Variants in ZNF169 observed in about 807,000 individuals in gnomAD.
The protein encoded by ZNF169 is zinc finger protein 169.
A neutral mutation model predicts 12.0 loss-of-function variants in ZNF169; 11 were observed. The observed-to-expected ratio is 0.92, with a 90% CI of 0.58 to 1.52. The LOEUF is 1.52. Among genes scored for constraint, ZNF169 ranks in the 40% most tolerant of loss-of-function variants. ZNF169 has a pLI of 0.00. For missense variants in ZNF169, 722 were observed against 744.0 expected, an observed-to-expected ratio of 0.97 and a Z score of 0.34; for synonymous variants, 302 against 286.5, an observed-to-expected ratio of 1.05 and a Z score of -0.55.
At chr9:94,286,151 G>C (rs114772246) in intron 2 of ZNF169, among the ~76,000 whole-genome samples, 1 of 152,062 alleles carries the variant, frequency 6.6e-6, no homozygotes, top group Non-Finnish European at 1.5e-5. Flanking sequence ...TTAAGACTTC[G>C]GGCACTGAGT....
chr9:94,292,169 G>A (rs1830854323), intron 2 of ZNF169, among the ~76,000 whole-genome samples, 172 bp from the exon 3 acceptor site: 1 of 152,194 alleles, frequency 6.6e-6, no homozygotes, highest in Admixed American at 6.5e-5. Context: ...TGTATGGAGG[G>A]GATTAATAGT....
chr9:94,298,728 C>CAA (rs59009101), intron 4 of ZNF169, among the ~76,000 whole-genome samples: 4 of 105,046 alleles, frequency 3.8e-5, no homozygotes, highest in Non-Finnish European at 8.1e-5. Flanking sequence ...GACTCTGTCT[C>CAA]AAAAAAAAAA....
rs1045085498 is a variant in ZNF169, at chr9:94,300,312, C to T, written c.754C>T (p.His252Tyr). ...TTGCCAGAGATCAGACCTTATCAAGCACCAGAGGACACACACCGGGGAGAA... is the reference window on the plus strand; with the variant it reads ...TTGCCAGAGATCAGACCTTATCAAGTACCAGAGGACACACACCGGGGAGAA... ...GFCQRSDLIKHQRTHTGEKPY... is the reference protein window; with the variant it reads ...GFCQRSDLIKYQRTHTGEKPY... Residue 252 changes from histidine (H) to tyrosine (Y), a missense_variant, in exon 5 of 5, where the codon CAC (histidine) becomes TAC (tyrosine). His to Tyr is a moderately conservative substitution (Grantham distance 83). Transcript: ENST00000395395. 8.1e-6 allele frequency: 13 copies of T among 1,614,188 alleles called. No homozygotes were observed. Among genetic ancestry groups the T allele is most frequent in the Non-Finnish European group, 1.1e-5 (13 of 1,180,042 alleles).
intron 1 of ZNF169, among the ~76,000 whole-genome samples, chr9:94,276,961 G>A (rs1830531594): frequency 6.6e-6 from 1 of 152,160 alleles, no homozygotes; most frequent in African/African-American, 2.4e-5. Context: ...AAATATGAGT[G>A]ACCATGGCCC....
At chr9:94,288,766 C>T (rs1830769360) in intron 2 of ZNF169, among the ~76,000 whole-genome samples, 1 of 152,176 alleles carries the variant, frequency 6.6e-6, no homozygotes, top group Non-Finnish European at 1.5e-5. Flanking sequence ...TTGTAAGTTT[C>T]CTGAGGCCTC....
At position 94,301,016 on chromosome 9, in the gene ZNF169, T is replaced by G. The variant is rs753090374; in HGVS notation, c.1458T>G (p.Tyr486Ter). Reference sequence around the variant, plus strand: ...GGACACACACAGGGGAGAAGCCTTATCTGTGCCCCAAGTGTGGGCGTGCAT... The same window carrying G: ...GGACACACACAGGGGAGAAGCCTTAGCTGTGCCCCAAGTGTGGGCGTGCAT... ...HQRTHTGEKP[Y>*]LCPKCGRAFG... Residue 486 changes from tyrosine (Y) to a stop codon, truncating the protein, a stop_gained, in exon 5 of 5, where the codon TAT becomes TAG. Coordinates refer to ENST00000395395, the MANE Select transcript of ZNF169 (RefSeq NM_194320.4). LOFTEE classifies it low-confidence loss of function (END_TRUNC). 1.9e-6 allele frequency: 3 copies of G among 1,611,108 alleles called. No individual in the cohort carries two copies. The highest frequency in any genetic ancestry group is 4.5e-5 in the East Asian group (2 of 44,704).
intron 2 of ZNF169, chr9:94,288,629 AT>A (rs1830765536): frequency 2.6e-6 from 1 of 383,562 alleles, no homozygotes; most frequent in Non-Finnish European, 5.0e-6. Context: ...CCCTCATGCT[AT>A]TTTTGTGATC....
chr9:94,301,424 A>G lies in ZNF169; in HGVS notation c.*54A>G. 1 of 1,490,086 alleles carries G rather than the reference A, an allele frequency of 6.7e-7. No homozygotes were observed. The highest frequency in any genetic ancestry group is 8.9e-7 in the Non-Finnish European group (1 of 1,119,344). 92.3% of individuals were successfully genotyped at this position (1,490,086 alleles called of 1,614,324 possible). A position where few individuals can be genotyped will look rare whatever the true frequency, so the allele number is the denominator to read the frequency against. ...GGCAGAAATCACTAGTAAATGCTTC[A>G]GTTTCCTGAAATGGAATGGAAAAAA... On this transcript the variant is annotated 3_prime_UTR_variant, in exon 5 of 5. Transcript: ENST00000395395.
At chr9:94,268,785 CAAA>C (rs58102758) in intron 1 of ZNF169, among the ~76,000 whole-genome samples, 3 of 113,326 alleles carry the variant, frequency 2.6e-5, no homozygotes, top group South Asian at 5.6e-4. Flanking sequence ...GACTCCATTT[CAAA>C]AAAAAAAAAA....
chr9:94,268,401 T>C (rs1237525924), intron 1 of ZNF169, among the ~76,000 whole-genome samples: 2 of 152,184 alleles, frequency 1.3e-5, no homozygotes, highest in Admixed American at 1.3e-4. Flanking sequence ...TATACAAATA[T>C]AGCCCAAAGA....
At chr9:94,299,262 A>G (rs12343413) in intron 4 of ZNF169, among the ~76,000 whole-genome samples, 16,666 of 152,240 alleles carry the variant, frequency 0.11, 1,045 homozygotes, top group African/African-American at 0.16. Context: ...CTGATATGGA[A>G]GCTCCCTGGC....
chr9:94,277,614 TTAGA>T (rs942281045), intron 1 of ZNF169, among the ~76,000 whole-genome samples: 2 of 152,074 alleles, frequency 1.3e-5, no homozygotes, highest in African/African-American at 2.4e-5. Context: ...CCCAGGCCCC[TTAGA>T]TAGGAATTTT....
Position 94,285,819 on chromosome 9 carries a change from G to A in ZNF169, c.34-6522G>A, listed in dbSNP as rs565656792. On this transcript the variant is annotated intron_variant, in intron 2 of 4. Coordinates refer to ENST00000395395, the MANE Select transcript of ZNF169 (RefSeq NM_194320.4). Reference sequence around the variant, plus strand: ...GAGGTCGGGCGTTCGAGACCAGCCTGACCAACATGGAGAACGTCGTCTCTA... The same window carrying A: ...GAGGTCGGGCGTTCGAGACCAGCCTAACCAACATGGAGAACGTCGTCTCTA... 2.0e-5 allele frequency among the ~76,000 whole-genome samples: 3 copies of A among 152,196 alleles called. No individual in the cohort carries two copies. The South Asian group carries it at 6.2e-4, about 32-fold the overall frequency.
At chr9:94,273,264 T>G (rs1440270927) in intron 1 of ZNF169, among the ~76,000 whole-genome samples, 1 of 152,144 alleles carries the variant, frequency 6.6e-6, no homozygotes, top group Non-Finnish European at 1.5e-5. Flanking sequence ...GCTTGTTCTT[T>G]TAGTGTCATA....
rs752612402 is a variant in ZNF169 at position 94,288,321 on chromosome 9, G to A, written c.34-4020G>A. The A allele has an allele frequency of 4.3e-5, 40 of 920,828 alleles. 1 individual carries two copies. The highest frequency in any genetic ancestry group is 5.2e-5 in the Non-Finnish European group (29 of 557,214). The allele number at this position is 920,828 out of a possible 1,614,324, so 57.0% of individuals were successfully genotyped here. On this transcript the variant is annotated intron_variant, in intron 2 of 4. Coordinates refer to ENST00000395395, the MANE Select transcript of ZNF169 (RefSeq NM_194320.4). Reference sequence around the variant, plus strand: ...TAACCTCAGTGCCTGGTGTGTTGTCGGTGTTCTATTTCTCTGTAAATGCCA... The same window carrying A: ...TAACCTCAGTGCCTGGTGTGTTGTCAGTGTTCTATTTCTCTGTAAATGCCA...
At chr9:94,266,787 A>G (rs1474740543) in intron 1 of ZNF169, among the ~76,000 whole-genome samples, 1 of 152,148 alleles carries the variant, frequency 6.6e-6, no homozygotes, top group East Asian at 1.9e-4. Flanking sequence ...TTTGAAACAT[A>G]ATTTTTCTCT....
chr9:94,263,030 GA>G (rs1241150172), intron 1 of ZNF169, among the ~76,000 whole-genome samples: 1 of 152,172 alleles, frequency 6.6e-6, no homozygotes, highest in Non-Finnish European at 1.5e-5. Flanking sequence ...GTGAGTTGGG[GA>G]ATGTACCATG....
At chr9:94,296,098 C>T (rs1357791597) in intron 4 of ZNF169, among the ~76,000 whole-genome samples, 1 of 152,150 alleles carries the variant, frequency 6.6e-6, no homozygotes, top group Non-Finnish European at 1.5e-5. Flanking sequence ...TGGCATCTTA[C>T]CGTGGTTTTA....
At chr9:94,290,254 T>C (rs914872114) in intron 2 of ZNF169, among the ~76,000 whole-genome samples, 5 of 152,216 alleles carry the variant, frequency 3.3e-5, no homozygotes, top group Non-Finnish European at 7.3e-5. Context: ...CTTTTTAAAA[T>C]TTTGGTAATA....
Sources: gnomAD v4.1 joint callset for allele counts (sites outside exome capture counted in the v4.1 genomes callset) on GRCh38, gnomAD v4.1.1 for gene constraint, MANE v1.5 for transcripts, NCBI Gene and HGNC (gene_info 2026-07-23, HGNC 2026-07-21) for gene names.